Variants in RNGTT observed in about 807,000 individuals in gnomAD.
The protein encoded by RNGTT is mRNA-capping enzyme.
RNGTT carries 33 observed loss-of-function variants against 79.3 expected under a neutral mutation model. The observed-to-expected ratio is 0.42, with a 90% CI of 0.32 to 0.56. RNGTT has a LOEUF of 0.56. RNGTT is among the 20% of genes least tolerant of loss of function. The pLI, the probability that RNGTT is intolerant of heterozygous loss-of-function variation, is 0.17. For synonymous variants in RNGTT, 222 were observed against 235.9 expected, an observed-to-expected ratio of 0.94 and a Z score of 0.54; for missense variants, 497 against 739.1, an observed-to-expected ratio of 0.67 and a Z score of 3.80.
chr6:88,871,464 T>C (rs1371857741), intron 8 of RNGTT, among the ~76,000 whole-genome samples: 1 of 152,168 alleles, frequency 6.6e-6, no homozygotes, highest in Non-Finnish European at 1.5e-5. Context: ...TTCCCCTCCT[T>C]TAAGTTTGGG....
At chr6:88,882,430 G>A (rs1170330690) in intron 8 of RNGTT, among the ~76,000 whole-genome samples, 2 of 152,114 alleles carry the variant, frequency 1.3e-5, no homozygotes, top group Non-Finnish European at 2.9e-5. Context: ...CCAGAACCTA[G>A]CACAGTACCT....
intron 12 of RNGTT, among the ~76,000 whole-genome samples, chr6:88,793,301 G>A (rs907090073): frequency 9.2e-5 from 14 of 152,132 alleles, no homozygotes; most frequent in Admixed American, 7.9e-4. Flanking sequence ...CTTATAACTA[G>A]TATAGTACAG....
rs141939122 is a variant in RNGTT, at chr6:88,844,429, C to A, written c.1197G>T (p.Gly399=). 59 of 1,613,838 alleles carry A rather than the reference C, an allele frequency of 3.7e-5. No homozygotes were observed. The highest frequency in any genetic ancestry group is 4.6e-5 in the Non-Finnish European group (54 of 1,179,932). ...ATGGTTCCTGTGTTTTGTCAATGAG[C>A]CCAGTCTTCATTTTTTCGTGTCGAG... ...ISPRHEKMKT[G]LIDKTQEPFS... The change falls in exon 11 of 16, where the codon GGG becomes GGT. Residue 399 remains glycine, a synonymous_variant. Coordinates refer to ENST00000369485, the MANE Select transcript of RNGTT (RefSeq NM_003800.5).
chr6:88,962,642 G>A (rs1306610318), intron 1 of RNGTT, among the ~76,000 whole-genome samples: 3 of 152,080 alleles, frequency 2.0e-5, no homozygotes, highest in East Asian at 1.9e-4. Context: ...GTGGTGGCAC[G>A]CGCCTGTAAT....
intron 14 of RNGTT, among the ~76,000 whole-genome samples, chr6:88,673,992 T>C (rs915652227): frequency 6.6e-6 from 1 of 152,238 alleles, no homozygotes; most frequent in Non-Finnish European, 1.5e-5. Flanking sequence ...ACTGATGAAT[T>C]CGGTGAATGG....
intron 14 of RNGTT, among the ~76,000 whole-genome samples, chr6:88,677,661 CT>C (rs1429345976): frequency 6.6e-6 from 1 of 151,954 alleles, no homozygotes; most frequent in Non-Finnish European, 1.5e-5. Flanking sequence ...TGAGGTTTCA[CT>C]ATGTTGCCCA....
chr6:88,747,318 C>T (rs976400242), intron 13 of RNGTT, among the ~76,000 whole-genome samples: 3 of 152,132 alleles, frequency 2.0e-5, no homozygotes, highest in Admixed American at 6.5e-5. Context: ...CAACCTTTTT[C>T]CCAAACCACT....
chr6:88,684,972 T>C (rs1775223137), intron 13 of RNGTT, among the ~76,000 whole-genome samples: 1 of 152,116 alleles, frequency 6.6e-6, no homozygotes, highest in Admixed American at 6.6e-5. Context: ...AAGAAAGAAA[T>C]GACCTATGAA....
At chr6:88,904,557 C>A (rs1410141986) in intron 6 of RNGTT, among the ~76,000 whole-genome samples, 158 bp downstream of exon 6, 1 of 150,742 alleles carries the variant, frequency 6.6e-6, no homozygotes, top group Non-Finnish European at 1.5e-5. Context: ...GCAAAACTTT[C>A]TCTCCAAAAA....
chr6:88,772,594 A>G (rs1417746344), intron 12 of RNGTT, among the ~76,000 whole-genome samples: 5 of 150,240 alleles, frequency 3.3e-5, no homozygotes, highest in Non-Finnish European at 7.4e-5. Context: ...GCTAATATCC[A>G]GAATCTACAA....
intron 8 of RNGTT, among the ~76,000 whole-genome samples, chr6:88,878,948 T>C (rs141837969): frequency 7.2e-5 from 11 of 152,308 alleles, no homozygotes; most frequent in African/African-American, 2.4e-4. Flanking sequence ...ACTTTTCTAG[T>C]CTAGCATCTC....
chr6:88,877,500 T>C (rs910954863), intron 8 of RNGTT, among the ~76,000 whole-genome samples: 1 of 152,318 alleles, frequency 6.6e-6, no homozygotes, highest in East Asian at 1.9e-4. Context: ...TCTCTGAATT[T>C]TTTTTTAATA....
At chr6:88,632,204 C>G (rs1772916587) in intron 14 of RNGTT, among the ~76,000 whole-genome samples, 1 of 152,134 alleles carries the variant, frequency 6.6e-6, no homozygotes, top group East Asian at 1.9e-4. Context: ...TGAAGCAACC[C>G]ATCTGCCTTA....
chr6:88,648,494 TA>T (rs57660975), intron 14 of RNGTT, among the ~76,000 whole-genome samples: 5 of 150,598 alleles, frequency 3.3e-5, no homozygotes, highest in Non-Finnish European at 7.4e-5. Context: ...ATAATAATAA[TA>T]AAAAATTCTA....
At chr6:88,834,568 A>G (rs930424983) in intron 11 of RNGTT, among the ~76,000 whole-genome samples, 7 of 152,190 alleles carry the variant, frequency 4.6e-5, no homozygotes, top group African/African-American at 1.7e-4. Context: ...GAAAATCTCT[A>G]TGTGTGAACA....
At chr6:88,951,340 A>G (rs907392494) in intron 1 of RNGTT, among the ~76,000 whole-genome samples, 1 of 152,250 alleles carries the variant, frequency 6.6e-6, no homozygotes, top group Non-Finnish European at 1.5e-5. Flanking sequence ...TTAGAATATT[A>G]CATAAACTTG....
At chr6:88,647,600 T>C (rs1384922400) in intron 14 of RNGTT, among the ~76,000 whole-genome samples, 1 of 150,920 alleles carries the variant, frequency 6.6e-6, no homozygotes, top group Admixed American at 6.6e-5. Context: ...TAGTCCCAGC[T>C]ACTCAGGAGG....
rs181958209 is a variant in RNGTT, at chr6:88,747,451, T to C, written c.1439+22323A>G. 2.0e-5 allele frequency among the ~76,000 whole-genome samples: 3 copies of C among 152,320 alleles called. No individual in the cohort carries two copies. In the East Asian group the frequency reaches 5.8e-4, roughly 29 times the overall value. On this transcript the variant is annotated intron_variant, in intron 13 of 15. Transcript: ENST00000369485. ...ATCCAGTGATATAGAATCAGGAGTT[T>C]ATTATAAGAGTTAGGCCTTATACTA...
At chr6:88,648,583 C>T (rs1773671323) in intron 14 of RNGTT, among the ~76,000 whole-genome samples, 1 of 152,114 alleles carries the variant, frequency 6.6e-6, no homozygotes, top group Non-Finnish European at 1.5e-5. Flanking sequence ...TCTTGTACCC[C>T]AGGCGAACAA....
Sources: allele counts gnomAD v4.1 joint callset (sites outside exome capture counted in the v4.1 genomes callset), GRCh38; gene constraint gnomAD v4.1.1; transcripts MANE v1.5; gene names NCBI Gene and HGNC (gene_info 2026-07-23, HGNC 2026-07-21).